Variants in UNC13C observed in about 807,000 individuals in gnomAD.
The protein encoded by UNC13C is protein unc-13 homolog C.
A neutral mutation model predicts 245.4 loss-of-function variants in UNC13C; 174 were observed. The observed-to-expected ratio is 0.71, with a 90% CI of 0.63 to 0.80. The LOEUF is 0.80. UNC13C is among the 30% of genes least tolerant of loss of function. The probability of loss-of-function intolerance (pLI) is 0.00; values close to 1 mark genes in which losing one functional copy is unlikely to be tolerated. For synonymous variants in UNC13C, 992 were observed against 895.1 expected, an observed-to-expected ratio of 1.11 and a Z score of -1.93; for missense variants, 2,829 against 2,602.9, an observed-to-expected ratio of 1.09 and a Z score of -1.89.
chr15:54,354,779 T>C (rs1219923576), intron 17 of UNC13C, among the ~76,000 whole-genome samples: 2 of 152,170 alleles, frequency 1.3e-5, no homozygotes, highest in African/African-American at 4.8e-5. Context: ...AAATTCTGCA[T>C]AAAATGTAAC....
At chr15:54,559,846 A>C (rs1053087339) in intron 29 of UNC13C, among the ~76,000 whole-genome samples, 2 of 151,976 alleles carry the variant, frequency 1.3e-5, no homozygotes, top group African/African-American at 4.8e-5. Context: ...ACTGATCATG[A>C]CTGGCTGAGT....
chr15:54,358,249 G>C (rs1228373457), intron 17 of UNC13C, among the ~76,000 whole-genome samples: 1 of 152,046 alleles, frequency 6.6e-6, no homozygotes, highest in African/African-American at 2.4e-5. Context: ...GGGTCAGGTA[G>C]TATGATGCCT....
At chr15:54,317,446 T>G (rs1238493476) in intron 13 of UNC13C, among the ~76,000 whole-genome samples, 1 of 151,918 alleles carries the variant, frequency 6.6e-6, no homozygotes, top group Non-Finnish European at 1.5e-5. Flanking sequence ...ATTTTTATCA[T>G]CAAGATATTT....
chr15:54,518,334 C>A (rs16974720), intron 24 of UNC13C, among the ~76,000 whole-genome samples: 2 of 152,090 alleles, frequency 1.3e-5, no homozygotes, highest in Admixed American at 1.3e-4. Context: ...AGGCAGGTGA[C>A]GCTTGTTAAC....
intron 4 of UNC13C, among the ~76,000 whole-genome samples, chr15:54,178,207 T>A (rs2033679953): frequency 6.6e-6 from 1 of 152,096 alleles, no homozygotes; most frequent in Non-Finnish European, 1.5e-5. Flanking sequence ...GTTGATGATG[T>A]AAAACCATTT....
the UNC13C span, among the ~76,000 whole-genome samples, chr15:53,901,723 C>T: frequency 6.6e-6 from 1 of 151,970 alleles, no homozygotes; most frequent in Admixed American, 6.6e-5. Flanking sequence ...TTTTTGAGGC[C>T]AAATTGATTT....
chr15:54,160,952 C>T (rs1177544854), intron 4 of UNC13C, among the ~76,000 whole-genome samples: 3 of 152,186 alleles, frequency 2.0e-5, no homozygotes, highest in Admixed American at 2.0e-4. Flanking sequence ...TTAATTTGCA[C>T]ATTTCTTTTG....
At chr15:54,432,991 C>T (rs1376738294) in intron 19 of UNC13C, among the ~76,000 whole-genome samples, 5 of 151,982 alleles carry the variant, frequency 3.3e-5, no homozygotes, top group African/African-American at 7.2e-5. Flanking sequence ...ACTAGAAAAT[C>T]TAGAAGAAAT....
At chr15:54,324,536 CA>C (rs1322607900) in intron 14 of UNC13C, among the ~76,000 whole-genome samples, 1 of 151,870 alleles carries the variant, frequency 6.6e-6, no homozygotes, top group African/African-American at 2.4e-5. Context: ...GAGATGCAAG[CA>C]AAGTTTACCT....
At chr15:54,550,146 C>G (rs143966050) in intron 28 of UNC13C, among the ~76,000 whole-genome samples, 1 of 152,212 alleles carries the variant, frequency 6.6e-6, no homozygotes, top group African/African-American at 2.4e-5. Flanking sequence ...AACTTCAGTC[C>G]CTGTTCCTCT....
At chr15:54,357,756 A>G (rs1596276724) in intron 17 of UNC13C, among the ~76,000 whole-genome samples, 1 of 152,168 alleles carries the variant, frequency 6.6e-6, no homozygotes, top group Non-Finnish European at 1.5e-5. Context: ...CTTTCAGTAA[A>G]CTGTTCTTTG....
chr15:54,527,884 TCA>T (rs1895546595), intron 25 of UNC13C, among the ~76,000 whole-genome samples: 1 of 152,194 alleles, frequency 6.6e-6, no homozygotes, highest in South Asian at 2.1e-4. Context: ...GCTTTATTCC[TCA>T]CACTACCAAT....
chr15:54,053,615 T>A (rs1387312753), intron 2 of UNC13C, among the ~76,000 whole-genome samples: 1 of 152,180 alleles, frequency 6.6e-6, no homozygotes, highest in African/African-American at 2.4e-5. Flanking sequence ...ACCTCAATAA[T>A]TTATCCTTTC....
chr15:54,576,467 C>T (rs1313123103), intron 30 of UNC13C, among the ~76,000 whole-genome samples: 2 of 152,118 alleles, frequency 1.3e-5, no homozygotes, highest in African/African-American at 4.8e-5. Context: ...GCAATAAATC[C>T]CCGCCGCAAA....
chr15:54,126,474 C>G (rs1351335563), intron 2 of UNC13C, among the ~76,000 whole-genome samples: 1 of 152,012 alleles, frequency 6.6e-6, no homozygotes, highest in East Asian at 1.9e-4. Context: ...ATAAATAAAG[C>G]AAAAGCTGAC....
chr15:54,323,434 A>G (rs898946326), intron 14 of UNC13C, among the ~76,000 whole-genome samples: 5 of 152,074 alleles, frequency 3.3e-5, no homozygotes, highest in African/African-American at 9.7e-5. Flanking sequence ...TTAGTCGTCT[A>G]AGCCTCAGTT....
chr15:53,976,138 A>G (rs1473105489), upstream of UNC13C, among the ~76,000 whole-genome samples: 2 of 152,162 alleles, frequency 1.3e-5, no homozygotes, highest in Non-Finnish European at 2.9e-5. Flanking sequence ...AAAGTCATAA[A>G]GCTCTGTCAC....
At chr15:54,249,929 A>G (rs964069346) in intron 7 of UNC13C, among the ~76,000 whole-genome samples, 1 of 152,164 alleles carries the variant, frequency 6.6e-6, no homozygotes, top group Non-Finnish European at 1.5e-5. Flanking sequence ...AGACATTCTC[A>G]ACTAATTAGA....
intron 4 of UNC13C, among the ~76,000 whole-genome samples, chr15:54,149,802 A>G (rs575009312): frequency 2.6e-5 from 4 of 152,244 alleles, no homozygotes; most frequent in Non-Finnish European, 5.9e-5. Flanking sequence ...AAACAATAAT[A>G]ATAAATAGCA....
Sources: gnomAD v4.1 joint callset for allele counts (sites outside exome capture counted in the v4.1 genomes callset) on GRCh38, gnomAD v4.1.1 for gene constraint, MANE v1.5 for transcripts, NCBI Gene and HGNC (gene_info 2026-07-23, HGNC 2026-07-21) for gene names.